FANCL: variants seen among roughly 807,000 people sequenced by gnomAD.
The protein encoded by FANCL is FA complementation group L, also known as E3 ubiquitin-protein ligase FANCL.
Under a neutral mutation model 59.4 loss-of-function variants are expected in FANCL, and 69 were observed. The ratio of observed to expected loss-of-function variants is 1.16; its 90% confidence interval spans 0.96 to 1.42. The LOEUF is 1.42. Among genes scored for constraint, FANCL ranks in the 40% most tolerant of loss-of-function variants. The pLI, the probability that FANCL is intolerant of heterozygous loss-of-function variation, is 0.00. For missense variants in FANCL, 519 were observed against 447.2 expected, an observed-to-expected ratio of 1.16 and a Z score of -1.45; for synonymous variants, 180 against 147.1, an observed-to-expected ratio of 1.22 and a Z score of -1.62.
chr2:58,190,525 A>G (rs1688830112), intron 7 of FANCL, among the ~76,000 whole-genome samples: 1 of 151,746 alleles, frequency 6.6e-6, no homozygotes, highest in Non-Finnish European at 1.5e-5. Flanking sequence ...GAAAGAAAAA[A>G]GAAAAAAGAC....
At chr2:58,212,535 CA>C (rs1691285806) in intron 5 of FANCL, among the ~76,000 whole-genome samples, 5 of 152,228 alleles carry the variant, frequency 3.3e-5, no homozygotes, top group Middle Eastern at 6.8e-3. Flanking sequence ...CTGTCCTAGG[CA>C]AAATGGTATG....
chr2:58,218,959 A>T, intron 5 of FANCL, among the ~76,000 whole-genome samples: 1 of 150,584 alleles, frequency 6.6e-6, no homozygotes. Context: ...TCCATTTTTC[A>T]GCTAAGAAGG....
intron 7 of FANCL, among the ~76,000 whole-genome samples, chr2:58,198,028 GGTGTGTGTGT>G (rs113480493): frequency 6.7e-6 from 1 of 150,336 alleles, no homozygotes; most frequent in African/African-American, 2.4e-5. Flanking sequence ...CAGGCTGGAT[GGTGTGTGTGT>G]GTGTGTGCGT....
At chr2:58,171,725 A>G (rs1329350842) in intron 7 of FANCL, among the ~76,000 whole-genome samples, 3 of 152,222 alleles carry the variant, frequency 2.0e-5, no homozygotes, top group African/African-American at 7.2e-5. Context: ...TACCGGGTTC[A>G]TCTCACTAGG....
chr2:58,223,092 A>C (rs1573783029), intron 4 of FANCL, among the ~76,000 whole-genome samples: 1 of 151,546 alleles, frequency 6.6e-6, no homozygotes, highest in African/African-American at 2.4e-5. Flanking sequence ...CAAAACCAAA[A>C]CTATTAACGG....
chr2:58,201,568 A>G (rs150830596), intron 6 of FANCL, among the ~76,000 whole-genome samples: 69 of 152,142 alleles, frequency 4.5e-4, no homozygotes, highest in African/African-American at 1.7e-3. Context: ...CCTCTGATGC[A>G]TATATGTAAT....
At chr2:58,162,588 ACTT>A (rs1157277735) in intron 11 of FANCL, among the ~76,000 whole-genome samples, 9 of 151,720 alleles carry the variant, frequency 5.9e-5, no homozygotes, top group African/African-American at 1.2e-4. Context: ...CAGAGGGCCG[ACTT>A]CTTCTATATA....
intron 7 of FANCL, among the ~76,000 whole-genome samples, chr2:58,187,424 G>C: frequency 7.0e-6 from 1 of 142,064 alleles, no homozygotes; most frequent in African/African-American, 2.6e-5. Context: ...GTGGGGTGGG[G>C]GGGATGGGGA....
intron 7 of FANCL, among the ~76,000 whole-genome samples, chr2:58,172,023 G>A (rs576614896): frequency 5.9e-4 from 90 of 152,340 alleles, no homozygotes; most frequent in African/African-American, 2.0e-3. Flanking sequence ...AGATCAAACT[G>A]CAAGGTGGCA....
chr2:58,181,067 GAA>G lies in FANCL; in HGVS notation c.541-15195_541-15194del, dbSNP rs533188740. Among the ~76,000 whole-genome samples the G allele has an allele frequency of 7.2e-5, 11 of 152,126 alleles. No homozygotes were observed. In the South Asian group the frequency reaches 2.3e-3, roughly 32 times the overall value. On this transcript the variant is annotated intron_variant, in intron 7 of 13. Coordinates refer to ENST00000233741, the MANE Select transcript of FANCL (RefSeq NM_018062.4). ...CTGGCAATTCTACTCCAAAAAAAGT[GAA>G]AAGATATATCCATAAAAATACCGTT...
chr2:58,204,705 T>A (rs548269316), intron 5 of FANCL, among the ~76,000 whole-genome samples: 2 of 152,142 alleles, frequency 1.3e-5, no homozygotes, highest in African/African-American at 4.8e-5. Flanking sequence ...TATTTGTTCA[T>A]ATACTCAAAT....
chr2:58,217,898 A>G (rs1215738616), intron 5 of FANCL, among the ~76,000 whole-genome samples: 1 of 152,084 alleles, frequency 6.6e-6, no homozygotes, highest in African/African-American at 2.4e-5. Flanking sequence ...GAGATTACAT[A>G]CTCTTCTTAA....
At chr2:58,184,400 A>G (rs1296754563) in intron 7 of FANCL, among the ~76,000 whole-genome samples, 1 of 152,114 alleles carries the variant, frequency 6.6e-6, no homozygotes, top group Non-Finnish European at 1.5e-5. Flanking sequence ...GAAAAACTGC[A>G]ATAGTCAATA....
intron 5 of FANCL, among the ~76,000 whole-genome samples, chr2:58,205,552 A>C (rs1365334835): frequency 6.6e-6 from 1 of 152,102 alleles, no homozygotes; most frequent in Non-Finnish European, 1.5e-5. Context: ...CAAGATGTTA[A>C]GCACATGCAT....
At chr2:58,178,018 C>G (rs1209054061) in intron 7 of FANCL, among the ~76,000 whole-genome samples, 2 of 152,012 alleles carry the variant, frequency 1.3e-5, no homozygotes, top group African/African-American at 4.8e-5. Context: ...TGGACACATA[C>G]ACCCTCCCAA....
intron 7 of FANCL, among the ~76,000 whole-genome samples, chr2:58,170,651 C>G (rs1264204721): frequency 2.1e-5 from 3 of 141,710 alleles, no homozygotes; most frequent in Non-Finnish European, 3.0e-5. Flanking sequence ...CACACAGGCT[C>G]GAAATAAAGG....
chr2:58,206,479 G>A (rs146089611), intron 5 of FANCL, among the ~76,000 whole-genome samples: 1 of 149,046 alleles, frequency 6.7e-6, no homozygotes, highest in East Asian at 2.0e-4. Context: ...GAGAGAGAAG[G>A]CATGCACGTT....
chr2:58,240,418 G>A (rs969373233), intron 1 of FANCL, among the ~76,000 whole-genome samples: 2 of 152,114 alleles, frequency 1.3e-5, no homozygotes, highest in African/African-American at 2.4e-5. Context: ...AATGTAAAGA[G>A]AAAAAAATCC....
chr2:58,226,926 G>A (rs147757782), intron 3 of FANCL, 142 bp from the exon 4 acceptor site: 33 of 711,414 alleles, frequency 4.6e-5, no homozygotes, highest in African/African-American at 2.0e-4. Context: ...ATGAAGTATC[G>A]GTCATCAACT....
Sources: gnomAD v4.1 joint callset for allele counts (sites outside exome capture counted in the v4.1 genomes callset) on GRCh38, gnomAD v4.1.1 for gene constraint, MANE v1.5 for transcripts, NCBI Gene and HGNC (gene_info 2026-07-23, HGNC 2026-07-21) for gene names.